The following TCF12 variants were observed in gnomAD, a reference collection of about 807,000 sequenced individuals.
TCF12 encodes DNA-binding protein HTF4.
A neutral mutation model predicts 86.0 loss-of-function variants in TCF12; 45 were observed. The ratio of observed to expected loss-of-function variants is 0.52; its 90% confidence interval spans 0.41 to 0.67. The LOEUF is 0.67. TCF12 is among the 30% of genes least tolerant of loss of function. The pLI, the probability that TCF12 is intolerant of heterozygous loss-of-function variation, is 0.00. For missense variants in TCF12, 881 were observed against 859.9 expected, an observed-to-expected ratio of 1.02 and a Z score of -0.31; for synonymous variants, 330 against 299.6, an observed-to-expected ratio of 1.10 and a Z score of -1.05.
intron 3 of TCF12, among the ~76,000 whole-genome samples, chr15:57,028,601 A>T (rs1161309141): frequency 6.6e-6 from 1 of 152,142 alleles, no homozygotes; most frequent in Non-Finnish European, 1.5e-5. Context: ...TTTGTCAGTT[A>T]TACGTAATAT....
chr15:57,262,916 A>G (rs1250020523), intron 17 of TCF12, among the ~76,000 whole-genome samples, 196 bp from the exon 18 acceptor site: 1 of 152,202 alleles, frequency 6.6e-6, no homozygotes, highest in East Asian at 1.9e-4. Context: ...CTAAATACAA[A>G]TGCTGTTAAA....
intron 13 of TCF12, among the ~76,000 whole-genome samples, chr15:57,245,926 T>TAC (rs199919435): frequency 2.0e-5 from 3 of 151,528 alleles, no homozygotes; most frequent in African/African-American, 4.9e-5. Context: ...GGTTCTTATC[T>TAC]ACACACACAC....
At chr15:57,199,010 G>C (rs1430257726) in intron 8 of TCF12, among the ~76,000 whole-genome samples, 1 of 152,148 alleles carries the variant, frequency 6.6e-6, no homozygotes, top group African/African-American at 2.4e-5. Context: ...CTGTAACTCA[G>C]TTCCAGATGG....
At chr15:56,965,551 G>T (rs1295509062) in intron 3 of TCF12, among the ~76,000 whole-genome samples, 3 of 152,058 alleles carry the variant, frequency 2.0e-5, no homozygotes, top group Non-Finnish European at 2.9e-5. Flanking sequence ...GTTTGGAAAA[G>T]AATCATTAGT....
At chr15:56,918,960 CG>C (rs1166116463) in intron 1 of TCF12, 54 bp downstream of exon 1, 1 of 151,810 alleles carries the variant, frequency 6.6e-6, no homozygotes, top group African/African-American at 2.4e-5. Context: ...CTGGGGGCTG[CG>C]GGGCGCCGCC....
chr15:56,937,382 G>A (rs79461031), intron 3 of TCF12, among the ~76,000 whole-genome samples: 4 of 150,520 alleles, frequency 2.7e-5, no homozygotes, highest in Non-Finnish European at 4.4e-5. Context: ...TTTTTGAGAC[G>A]GAGTCATTCT....
Position 56,973,313 on chromosome 15 carries a change from A to G in TCF12, c.148+52215A>G, listed in dbSNP as rs1230495902. On this transcript the variant is annotated intron_variant, in intron 3 of 20. Coordinates refer to ENST00000333725, the MANE Select transcript of TCF12 (RefSeq NM_207037.2). ...TTCCAAGCTGTATCTGGTAAGAGGT[A>G]CATACAAAGCATTGACATCTGAGAA... Among the ~76,000 whole-genome samples the G allele has an allele frequency of 6.6e-5, 10 of 152,144 alleles. No homozygotes were observed. The South Asian group carries it at 1.4e-3, about 22-fold the overall frequency.
chr15:57,273,900 G>T (rs1359867550), intron 19 of TCF12, among the ~76,000 whole-genome samples: 1 of 152,100 alleles, frequency 6.6e-6, no homozygotes, highest in Non-Finnish European at 1.5e-5. Context: ...TTGCAGTTTT[G>T]AAGAAACTTT....
chr15:57,070,873 G>A (rs1208489300), intron 4 of TCF12, among the ~76,000 whole-genome samples: 1 of 152,186 alleles, frequency 6.6e-6, no homozygotes, highest in Non-Finnish European at 1.5e-5. Context: ...GACAGCAGAT[G>A]CCTTAAGAGT....
At chr15:57,185,917 A>G (rs558112804) in intron 6 of TCF12, among the ~76,000 whole-genome samples, 1 of 152,276 alleles carries the variant, frequency 6.6e-6, no homozygotes, top group South Asian at 2.1e-4. Flanking sequence ...AGATCAACAG[A>G]ATTGACAAAC....
At chr15:57,161,835 CT>C (rs2054526051) in intron 5 of TCF12, among the ~76,000 whole-genome samples, 1 of 152,058 alleles carries the variant, frequency 6.6e-6, no homozygotes, top group South Asian at 2.1e-4. Flanking sequence ...ATTATTTATG[CT>C]TTCAAATTAT....
At chr15:57,271,728 C>G (rs1469620850) in intron 18 of TCF12, among the ~76,000 whole-genome samples, 4 of 152,166 alleles carry the variant, frequency 2.6e-5, no homozygotes, top group Non-Finnish European at 5.9e-5. Flanking sequence ...TTGGAAGCAA[C>G]CCACCTCGGC....
chr15:56,955,116 G>T (rs2061449275), intron 3 of TCF12, among the ~76,000 whole-genome samples: 1 of 152,088 alleles, frequency 6.6e-6, no homozygotes, highest in Non-Finnish European at 1.5e-5. Context: ...GTTTATTGTG[G>T]CACTATTCAC....
chr15:57,039,468 C>G (rs2733174), intron 3 of TCF12, among the ~76,000 whole-genome samples: 3 of 151,882 alleles, frequency 2.0e-5, no homozygotes, highest in Admixed American at 1.3e-4. Flanking sequence ...TATTTTCTGA[C>G]CATTTGTGGA....
At chr15:57,032,906 C>T (rs541550639) in intron 3 of TCF12, among the ~76,000 whole-genome samples, 2 of 152,276 alleles carry the variant, frequency 1.3e-5, no homozygotes, top group East Asian at 3.9e-4. Context: ...ACATTAAACC[C>T]TCCATTATGA....
At chr15:56,969,525 C>G (rs2062179609) in intron 3 of TCF12, among the ~76,000 whole-genome samples, 1 of 138,452 alleles carries the variant, frequency 7.2e-6, no homozygotes, top group Non-Finnish European at 1.5e-5. Context: ...TATTAGACAT[C>G]CAGTTGGAGA....
At position 56,984,026 on chromosome 15, in the gene TCF12, G is replaced by T. The variant is rs78095853; in HGVS notation, c.148+62928G>T. On this transcript the variant is annotated intron_variant, in intron 3 of 20. Coordinates refer to ENST00000333725, the MANE Select transcript of TCF12 (RefSeq NM_207037.2). ...CAAAAAAAAAAAAAAAGAAGAAGAA[G>T]AATTTTGGATCAAGGATTATTGACC... 6.6e-3 allele frequency among the ~76,000 whole-genome samples: 418 copies of T among 63,402 alleles called. 16 individuals carry two copies. The East Asian group carries it at 0.12, about 18-fold the overall frequency. 41.6% of individuals were successfully genotyped at this position (63,402 alleles called of 152,430 possible).
intron 3 of TCF12, among the ~76,000 whole-genome samples, chr15:57,043,983 G>C (rs1383966303): frequency 6.6e-6 from 1 of 151,882 alleles, no homozygotes; most frequent in Non-Finnish European, 1.5e-5. Flanking sequence ...AACTATGATG[G>C]AAAGAAAGTT....
intron 2 of TCF12, among the ~76,000 whole-genome samples, chr15:56,920,707 GATATA>G (rs1299591718): frequency 6.6e-6 from 1 of 152,020 alleles, no homozygotes; most frequent in Non-Finnish European, 1.5e-5. Flanking sequence ...TGTATATTGA[GATATA>G]ATGTAAATGT....
Sources: gnomAD v4.1 joint callset for allele counts (sites outside exome capture counted in the v4.1 genomes callset) on GRCh38, gnomAD v4.1.1 for gene constraint, MANE v1.5 for transcripts, NCBI Gene and HGNC (gene_info 2026-07-23, HGNC 2026-07-21) for gene names.